Variants in TMPRSS15 observed in about 807,000 individuals in gnomAD.
TMPRSS15 encodes transmembrane serine protease 15.
A neutral mutation model predicts 125.3 loss-of-function variants in TMPRSS15; 128 were observed. The observed-to-expected ratio is 1.02, with a 90% CI of 0.89 to 1.18. TMPRSS15 has a LOEUF of 1.18. Among genes scored for constraint, TMPRSS15 ranks in the 50% most tolerant of loss-of-function variants. The pLI is 0.00. For synonymous variants in TMPRSS15, 446 were observed against 423.2 expected (o/e 1.05, Z -0.66); for missense variants, 1,283 against 1,212.7 (o/e 1.06, Z -0.86).
chr21:18,366,715 A>G (rs1394442300), intron 6 of TMPRSS15, among the ~76,000 whole-genome samples: 2 of 152,086 alleles, frequency 1.3e-5, no homozygotes, highest in Non-Finnish European at 2.9e-5. Context: ...GACCCTTACA[A>G]TGTGTCTTTT....
chr21:18,410,448 C>T (rs2076163289), intron 1 of TMPRSS15, among the ~76,000 whole-genome samples: 1 of 152,040 alleles, frequency 6.6e-6, no homozygotes, highest in Non-Finnish European at 1.5e-5. Flanking sequence ...TTTGCTAGTC[C>T]TCAGATATTT....
intron 24 of TMPRSS15, among the ~76,000 whole-genome samples, chr21:18,271,196 AT>A (rs1220804862): frequency 6.6e-6 from 1 of 152,172 alleles, no homozygotes; most frequent in Non-Finnish European, 1.5e-5. Context: ...TGTGATTTCT[AT>A]TTCTGCATCC....
chr21:18,363,057 C>G (rs1247086356), intron 7 of TMPRSS15, among the ~76,000 whole-genome samples: 2 of 152,074 alleles, frequency 1.3e-5, no homozygotes, highest in Non-Finnish European at 2.9e-5. Context: ...AAACATTTCT[C>G]CTATATTTAA....
At chr21:18,472,176 C>G (rs1978791974) in intron 1 of TMPRSS15, among the ~76,000 whole-genome samples, 2 of 151,834 alleles carry the variant, frequency 1.3e-5, no homozygotes, top group Non-Finnish European at 2.9e-5. Context: ...AAAACATACA[C>G]CTTTAAGAAG....
chr21:18,389,475 G>T (rs899540905), intron 3 of TMPRSS15, among the ~76,000 whole-genome samples: 1 of 152,052 alleles, frequency 6.6e-6, no homozygotes, highest in Non-Finnish European at 1.5e-5. Context: ...GGCCTCCTTG[G>T]TAGTTATAAA....
chr21:18,424,648 A>G (rs2049207865), intron 1 of TMPRSS15, among the ~76,000 whole-genome samples: 1 of 152,202 alleles, frequency 6.6e-6, no homozygotes, highest in Admixed American at 6.5e-5. Context: ...ATTCATGTAA[A>G]GAACCGACAA....
chr21:18,472,223 A>T (rs1298086888), intron 1 of TMPRSS15, among the ~76,000 whole-genome samples: 2 of 151,012 alleles, frequency 1.3e-5, no homozygotes, highest in African/African-American at 4.8e-5. Flanking sequence ...CACTAAAAAG[A>T]AATTTTTTTT....
chr21:18,314,118 T>C (rs545901860), intron 17 of TMPRSS15, among the ~76,000 whole-genome samples: 1 of 106,364 alleles, frequency 9.4e-6, no homozygotes, highest in Non-Finnish European at 1.9e-5. Context: ...TGCTACATTG[T>C]TTACCTTTTT....
intron 1 of TMPRSS15, among the ~76,000 whole-genome samples, chr21:18,413,264 TTC>T (rs1358974569): frequency 6.8e-5 from 10 of 146,948 alleles, no homozygotes; most frequent in East Asian, 2.2e-4. Context: ...CTTTCTTTCT[TTC>T]TCTTTCTTTT....
At chr21:18,480,853 A>G (rs1282423389) in intron 1 of TMPRSS15, among the ~76,000 whole-genome samples, 4 of 151,888 alleles carry the variant, frequency 2.6e-5, no homozygotes, top group Non-Finnish European at 5.9e-5. Context: ...TTGTTGTATT[A>G]CTAAGGGTCA....
At chr21:18,483,692 T>A (rs920172489) in intron 1 of TMPRSS15, among the ~76,000 whole-genome samples, 1 of 151,950 alleles carries the variant, frequency 6.6e-6, no homozygotes, top group African/African-American at 2.4e-5. Context: ...TTCCTTGAAG[T>A]AATTGTGTGA....
intron 21 of TMPRSS15, among the ~76,000 whole-genome samples, chr21:18,281,732 T>C (rs1320881199): frequency 6.6e-6 from 1 of 152,178 alleles, no homozygotes; most frequent in African/African-American, 2.4e-5. Context: ...CAACTGTAGC[T>C]AGCAACTGTA....
intron 18 of TMPRSS15, among the ~76,000 whole-genome samples, chr21:18,308,561 A>G (rs1409177852): frequency 1.3e-5 from 2 of 151,766 alleles, no homozygotes; most frequent in Admixed American, 6.6e-5. Flanking sequence ...TTAAAAGTAC[A>G]TATATGAACA....
chr21:18,274,752 A>G (rs953680963), intron 24 of TMPRSS15, among the ~76,000 whole-genome samples: 2 of 152,212 alleles, frequency 1.3e-5, no homozygotes, highest in Non-Finnish European at 2.9e-5. Flanking sequence ...GCACGCCTGG[A>G]TGATATTCTA....
intron 1 of TMPRSS15, among the ~76,000 whole-genome samples, chr21:18,420,536 A>G (rs1254719189): frequency 1.3e-5 from 2 of 152,256 alleles, no homozygotes; most frequent in African/African-American, 4.8e-5. Context: ...TACCTAAAAC[A>G]ATTAGTAATT....
intron 4 of TMPRSS15, among the ~76,000 whole-genome samples, chr21:18,382,888 C>A (rs935002045): frequency 1.6e-4 from 24 of 151,962 alleles, no homozygotes; most frequent in African/African-American, 2.4e-4. Flanking sequence ...CATTTACAAT[C>A]GTATTTTTTA....
intron 1 of TMPRSS15, among the ~76,000 whole-genome samples, chr21:18,440,304 C>T (rs969159836): frequency 9.1e-5 from 12 of 132,432 alleles, no homozygotes; most frequent in African/African-American, 2.9e-4. Flanking sequence ...ACCCGGGAGG[C>T]GGAGCTTGCA....
At chr21:18,397,508 C>A (rs1345773017) in intron 3 of TMPRSS15, among the ~76,000 whole-genome samples, 1 of 152,032 alleles carries the variant, frequency 6.6e-6, no homozygotes, top group Non-Finnish European at 1.5e-5. Flanking sequence ...TGGACAAGTA[C>A]CTTCTCTCTA....
At chr21:18,328,022 C>T (rs2075310046) in intron 15 of TMPRSS15, among the ~76,000 whole-genome samples, 1 of 152,066 alleles carries the variant, frequency 6.6e-6, no homozygotes, top group Non-Finnish European at 1.5e-5. Flanking sequence ...CACTGCACTC[C>T]AGCCTGGGTG....
Sources: gnomAD v4.1 joint callset for allele counts (sites outside exome capture counted in the v4.1 genomes callset) on GRCh38, gnomAD v4.1.1 for gene constraint, MANE v1.5 for transcripts, NCBI Gene and HGNC (gene_info 2026-07-23, HGNC 2026-07-21) for gene names.